Variants in NQO1 observed in about 807,000 individuals in gnomAD.
NQO1 encodes the protein NAD(P)H quinone dehydrogenase 1.
A neutral mutation model predicts 32.1 loss-of-function variants in NQO1; 30 were observed. The observed-to-expected ratio is 0.94, with a 90% CI of 0.70 to 1.27. The LOEUF is 1.27. Among genes scored for constraint, NQO1 ranks in the 50% most tolerant of loss-of-function variants. The pLI is 0.00. For synonymous variants in NQO1, 109 were observed against 119.7 expected (o/e 0.91, Z 0.59); for missense variants, 276 against 331.3 (o/e 0.83, Z 1.30).
Position 69,709,683 on chromosome 16 carries a change from C to T in NQO1, c.*1293G>A. On this transcript the variant is annotated 3_prime_UTR_variant, in exon 6 of 6. Coordinates refer to ENST00000320623, the MANE Select transcript of NQO1 (RefSeq NM_000903.3). ...ATTTCTCATCTCTTCTTTCAATGCA[C>T]CACAAGAGGGCAGTGTTTTATCATA... 2.5e-6 allele frequency: 1 copy of T among 397,598 alleles called. No individual in the cohort carries two copies. Among genetic ancestry groups the T allele is most frequent in the Non-Finnish European group, 4.4e-6 (1 of 225,572 alleles). 24.6% of individuals were successfully genotyped at this position (397,598 alleles called of 1,614,324 possible).
At chr16:69,724,377 A>G (rs980833763) in intron 1 of NQO1, among the ~76,000 whole-genome samples, 10 of 151,952 alleles carry the variant, frequency 6.6e-5, no homozygotes, top group Admixed American at 2.0e-4. Context: ...AAAGGCCCTC[A>G]GAGGAGCTTG....
chr16:69,725,681 G>T (rs771634475), intron 1 of NQO1, among the ~76,000 whole-genome samples: 7 of 152,088 alleles, frequency 4.6e-5, no homozygotes, highest in Non-Finnish European at 1.0e-4. Context: ...TCAAGACCGC[G>T]CTGGCCAACT....
intron 1 of NQO1, among the ~76,000 whole-genome samples, chr16:69,723,531 C>T (rs1597604871): frequency 6.6e-6 from 1 of 152,016 alleles, no homozygotes; most frequent in South Asian, 2.1e-4. Flanking sequence ...GTCGCGGTGG[C>T]TCACACCTGT....
At chr16:69,718,013 A>G (rs943888309) in intron 3 of NQO1, 110 bp downstream of exon 3, 30 of 1,401,390 alleles carry the variant, frequency 2.1e-5, no homozygotes, top group Admixed American at 4.2e-5. Context: ...TTATTTGCAG[A>G]GAATGCAGTA....
intron 1 of NQO1, among the ~76,000 whole-genome samples, chr16:69,723,209 C>A (rs186716962): frequency 6.6e-6 from 1 of 152,348 alleles, no homozygotes; most frequent in Non-Finnish European, 1.5e-5. Flanking sequence ...AGGCGTGAGC[C>A]ACAGCGCCCA....
chr16:69,712,530 C>A (rs1382342532), intron 5 of NQO1, among the ~76,000 whole-genome samples: 1 of 152,188 alleles, frequency 6.6e-6, no homozygotes, highest in East Asian at 1.9e-4. Flanking sequence ...CACATGCACA[C>A]GCAGGTGTGT....
chr16:69,711,378 C>T (rs1365855868), intron 5 of NQO1, 97 bp from the exon 6 acceptor site: 1 of 1,024,894 alleles, frequency 9.8e-7, no homozygotes, highest in African/African-American at 1.6e-5. Context: ...GTAAGACACT[C>T]TGATAAGGAG....
Position 69,721,944 on chromosome 16 carries a change from A to G in NQO1, c.8-3410T>C, listed in dbSNP as rs530729385. 7.9e-5 allele frequency among the ~76,000 whole-genome samples: 12 copies of G among 151,900 alleles called. 1 individual carries two copies. The South Asian group carries it at 2.5e-3, about 32-fold the overall frequency. On this transcript the variant is annotated intron_variant, in intron 1 of 5. Transcript: ENST00000320623. ...TTTGAGCCAGGGAGGTGGAGGTTGC[A>G]GTGAGCCGTGATCACACCACTGTAC...
intron 1 of NQO1, among the ~76,000 whole-genome samples, chr16:69,720,274 T>C (rs1056059136): frequency 2.6e-5 from 4 of 151,374 alleles, no homozygotes; most frequent in Admixed American, 6.6e-5. Context: ...TAAACAAATT[T>C]TAAAAATTAA....
intron 3 of NQO1, among the ~76,000 whole-genome samples, chr16:69,717,107 A>G (rs537398436): frequency 7.7e-4 from 107 of 139,318 alleles, no homozygotes; most frequent in Middle Eastern, 7.0e-3. Flanking sequence ...GAGAGAGAGA[A>G]AAAAAAAACA....
chr16:69,720,420 A>C (rs2038173288), intron 1 of NQO1, among the ~76,000 whole-genome samples: 1 of 151,868 alleles, frequency 6.6e-6, no homozygotes, highest in Non-Finnish European at 1.5e-5. Flanking sequence ...GAGAGAGGGA[A>C]GGGAAGGAAG....
chr16:69,716,192 A>C (rs28454345), intron 3 of NQO1, among the ~76,000 whole-genome samples: 74,985 of 143,534 alleles, frequency 0.52, 19,701 homozygotes, highest in Middle Eastern at 0.59. Context: ...TAATAATAAT[A>C]ATCATCATCA....
At chr16:69,719,264 G>A (rs1399399115) in intron 1 of NQO1, among the ~76,000 whole-genome samples, 1 of 152,156 alleles carries the variant, frequency 6.6e-6, no homozygotes, top group Non-Finnish European at 1.5e-5. Context: ...AAGTAATGAG[G>A]CAGAATCTCT....
intron 1 of NQO1, among the ~76,000 whole-genome samples, chr16:69,723,317 G>C (rs2038218285): frequency 6.6e-6 from 1 of 152,142 alleles, no homozygotes; most frequent in African/African-American, 2.4e-5. Context: ...GAGCAAATCA[G>C]GATATCCATC....
chr16:69,726,487 G>T lies in NQO1; in HGVS notation c.-48C>A, dbSNP rs773835558. The T allele has an allele frequency of 9.4e-6, 15 of 1,600,352 alleles. No individual in the cohort carries two copies. Among genetic ancestry groups the T allele is most frequent in the Non-Finnish European group, 1.3e-5 (15 of 1,177,124 alleles). ...CTGATTGGCTGGGCTCGTGGTTGCCGGGGCGACCCTGGCCGGAACTAGGCT... is the reference window on the plus strand; with the variant it reads ...CTGATTGGCTGGGCTCGTGGTTGCCTGGGCGACCCTGGCCGGAACTAGGCT... On this transcript the variant is annotated 5_prime_UTR_variant, in exon 1 of 6. Coordinates refer to ENST00000320623, the MANE Select transcript of NQO1 (RefSeq NM_000903.3).
Position 69,718,441 on chromosome 16 carries a change from C to T in NQO1, c.101G>A (p.Gly34Glu), listed in dbSNP as rs758952898. ...GAGGTCCGACTCCACCACCTCCCAT[C>T]CTTTCTTCTTCAAAGCCGCTGCAGC... ...EAAAAALKKK[G>E]WEVVESDLYA... is the part of the protein sequence containing the mutation. Residue 34 changes from glycine (G) to glutamate (E), a missense_variant, in exon 2 of 6, where the codon GGA becomes GAA. Physicochemically the swap from Gly to Glu is moderately conservative, Grantham distance 98. Coordinates refer to ENST00000320623, the MANE Select transcript of NQO1 (RefSeq NM_000903.3). The T allele has an allele frequency of 1.9e-6, 3 of 1,614,066 alleles. No individual in the cohort carries two copies. Among genetic ancestry groups the T allele is most frequent in the Non-Finnish European group, 2.5e-6 (3 of 1,179,990 alleles).
chr16:69,719,567 A>C (rs2038162583), intron 1 of NQO1, among the ~76,000 whole-genome samples: 1 of 151,398 alleles, frequency 6.6e-6, no homozygotes, highest in South Asian at 2.1e-4. Flanking sequence ...CGAGGTCAAG[A>C]GATCAAGACC....
chr16:69,720,444 CAAAAAAAA>C (rs529699244), intron 1 of NQO1, among the ~76,000 whole-genome samples: 1 of 130,692 alleles, frequency 7.7e-6, no homozygotes, highest in Non-Finnish European at 1.7e-5. Flanking sequence ...AAAGAAAATA[CAAAAAAAA>C]AAGAAAAAAA....
At position 69,709,714 on chromosome 16, in the gene NQO1, C is replaced by T. The variant is rs993945431; in HGVS notation, c.*1262G>A. 5 of 398,198 alleles carry T rather than the reference C, an allele frequency of 1.3e-5. No individual in the cohort carries two copies. The highest frequency in any genetic ancestry group is 4.4e-5 in the Admixed American group (1 of 22,700). 24.7% of individuals were successfully genotyped at this position (398,198 alleles called of 1,614,324 possible). A position where few individuals can be genotyped will look rare whatever the true frequency, so the allele number is the denominator to read the frequency against. On this transcript the variant is annotated 3_prime_UTR_variant, in exon 6 of 6. Coordinates refer to ENST00000320623, the MANE Select transcript of NQO1 (RefSeq NM_000903.3). Reference sequence around the variant, plus strand: ...GAGGGCAGTGTTTTATCATATTCTCCTTGAATTATATAATACCAACAGTGG... The same window carrying T: ...GAGGGCAGTGTTTTATCATATTCTCTTTGAATTATATAATACCAACAGTGG...
Sources: gnomAD v4.1 joint callset for allele counts (sites outside exome capture counted in the v4.1 genomes callset) on GRCh38, gnomAD v4.1.1 for gene constraint, MANE v1.5 for transcripts, NCBI Gene and HGNC (gene_info 2026-07-23, HGNC 2026-07-21) for gene names.